STX12: variants seen among roughly 807,000 people sequenced by gnomAD.
The protein encoded by STX12 is syntaxin 12.
Under a neutral mutation model 42.2 loss-of-function variants are expected in STX12, and 17 were observed. The ratio of observed to expected loss-of-function variants is 0.40; its 90% confidence interval spans 0.28 to 0.60. STX12 has a LOEUF of 0.60. STX12 is among the 20% of genes least tolerant of loss of function. STX12 has a pLI of 0.39. For missense variants in STX12, 297 were observed against 330.9 expected (o/e 0.90, Z 0.79); for synonymous variants, 108 against 116.7 (o/e 0.93, Z 0.48).
chr1:27,810,596 T>G lies in STX12; in HGVS notation c.470+307T>G, dbSNP rs1410104174. On this transcript the variant is annotated intron_variant, in intron 5 of 8. Transcript: ENST00000373943. ...ACCTACATGTCTACAGATTAGGAAG[T>G]CTAAGTCATCTTACCTCTAATGCAG... 2.0e-5 allele frequency among the ~76,000 whole-genome samples: 3 copies of G among 152,284 alleles called. No individual in the cohort carries two copies. The East Asian group carries it at 5.8e-4, about 29-fold the overall frequency.
intron 6 of STX12, among the ~76,000 whole-genome samples, chr1:27,813,081 C>G (rs549314361): frequency 8.5e-5 from 13 of 152,234 alleles, no homozygotes; most frequent in African/African-American, 3.1e-4. Context: ...GAAATAGGAA[C>G]AGTTTTTGAG....
At chr1:27,808,387 G>A (rs912177145) in intron 4 of STX12, among the ~76,000 whole-genome samples, 1 of 148,966 alleles carries the variant, frequency 6.7e-6, no homozygotes, top group Non-Finnish European at 1.5e-5. Flanking sequence ...TGTCACTCAG[G>A]CTGTAGTGCA....
chr1:27,815,217 A>C (rs938056977), intron 6 of STX12, among the ~76,000 whole-genome samples: 6 of 152,226 alleles, frequency 3.9e-5, no homozygotes, highest in Admixed American at 2.6e-4. Flanking sequence ...ACGGATACCA[A>C]GGGACGAATG....
At position 27,773,257 on chromosome 1, in the gene STX12, C is replaced by G; in HGVS notation, c.-51C>G. On this transcript the variant is annotated 5_prime_UTR_variant, in exon 1 of 9. Transcript: ENST00000373943. Reference sequence around the variant, plus strand: ...TCAGCCTGCGGGTCCCGGCTGGCGGCTGCTTCCGGTAGGAGAGCGGTGTAG... The same window carrying G: ...TCAGCCTGCGGGTCCCGGCTGGCGGGTGCTTCCGGTAGGAGAGCGGTGTAG... 2 of 1,287,438 alleles carry G rather than the reference C, an allele frequency of 1.6e-6. No individual in the cohort carries two copies. Among genetic ancestry groups the G allele is most frequent in the Non-Finnish European group, 2.2e-6 (2 of 911,566 alleles). The allele number at this position is 1,287,438 out of a possible 1,614,324, so 79.8% of individuals were successfully genotyped here.
rs545632186 is a variant in STX12, at chr1:27,822,350, G to A, written c.*21G>A. 14 of 1,512,134 alleles carry A rather than the reference G, an allele frequency of 9.3e-6. No homozygotes were observed. The highest frequency in any genetic ancestry group is 5.0e-5 in the Admixed American group (3 of 59,864). The allele number at this position is 1,512,134 out of a possible 1,614,324, so 93.7% of individuals were successfully genotyped here. On this transcript the variant is annotated 3_prime_UTR_variant, in exon 9 of 9. Transcript: ENST00000373943. ...AGTGATTGCCTCCGATCGTTCTCCC[G>A]CTGAGCTGTTTTCAAGGGCAAGTGC... is the stretch of plus-strand genomic sequence containing the variant.
At chr1:27,798,719 G>GA (rs983651409) in intron 3 of STX12, among the ~76,000 whole-genome samples, 568 of 43,498 alleles carry the variant, frequency 0.013, 6 homozygotes, top group Middle Eastern at 0.038. Context: ...CTCAAAAAAA[G>GA]AAAAAAAAAA....
At chr1:27,787,754 G>T (rs1557799604) in intron 1 of STX12, among the ~76,000 whole-genome samples, 1 of 152,026 alleles carries the variant, frequency 6.6e-6, no homozygotes, top group Non-Finnish European at 1.5e-5. Context: ...ACTGATCTTG[G>T]TGACCAAATT....
chr1:27,822,400 C>T lies in STX12; in HGVS notation c.*71C>T. 1 of 968,050 alleles carries T rather than the reference C, an allele frequency of 1.0e-6. No homozygotes were observed. Among genetic ancestry groups the T allele is most frequent in the Non-Finnish European group, 1.7e-6 (1 of 591,908 alleles). The allele number at this position is 968,050 out of a possible 1,614,324, so 60.0% of individuals were successfully genotyped here. On this transcript the variant is annotated 3_prime_UTR_variant, in exon 9 of 9. Coordinates refer to ENST00000373943, the MANE Select transcript of STX12 (RefSeq NM_177424.3). ...CTTGTTGAAGTCTTGCCAGAACAAA[C>T]TGATCACAAGAAGACAGCATATATC...
chr1:27,793,769 A>C (rs2088765441), intron 3 of STX12, 137 bp downstream of exon 3: 4 of 623,668 alleles, frequency 6.4e-6, no homozygotes, highest in African/African-American at 1.8e-5. Context: ...TTTCTTATCC[A>C]TCAAGTGGGG....
rs2088994965 is a variant in STX12, at chr1:27,822,937, T to C, written c.*608T>C. On this transcript the variant is annotated 3_prime_UTR_variant, in exon 9 of 9. Coordinates refer to ENST00000373943, the MANE Select transcript of STX12 (RefSeq NM_177424.3). ...GGTCAGTTACTGGAGTACATGTTAC[T>C]AATCTGGGTTTAAAGTTTACTTCAT... 1 of 152,302 alleles carries C rather than the reference T, an allele frequency of 6.6e-6. No homozygotes were observed. Among genetic ancestry groups the C allele is most frequent in the South Asian group, 2.1e-4 (1 of 4,836 alleles). The allele number at this position is 152,302 out of a possible 1,614,324, so 9.4% of individuals were successfully genotyped here. A position where few individuals can be genotyped will look rare whatever the true frequency, so the allele number is the denominator to read the frequency against.
intron 2 of STX12, among the ~76,000 whole-genome samples, chr1:27,792,186 CTA>C (rs1417229682): frequency 2.9e-4 from 27 of 94,654 alleles, no homozygotes; most frequent in African/African-American, 2.5e-3. Context: ...ATATATGTAT[CTA>C]TATATGTATA....
At chr1:27,775,378 C>T (rs1033059590) in intron 1 of STX12, among the ~76,000 whole-genome samples, 22 of 152,144 alleles carry the variant, frequency 1.4e-4, no homozygotes, top group African/African-American at 5.3e-4. Flanking sequence ...CTCAAGCAGT[C>T]CTCCTGCCTC....
At chr1:27,792,317 GATAC>G (rs1395624711) in intron 2 of STX12, among the ~76,000 whole-genome samples, 2 of 92,430 alleles carry the variant, frequency 2.2e-5, no homozygotes, top group Non-Finnish European at 1.7e-5. Flanking sequence ...TATATATGTA[GATAC>G]ATATATATGT....
chr1:27,819,620 T>C (rs774987462), intron 7 of STX12, 30 bp from the exon 8 acceptor site: 13 of 1,605,802 alleles, frequency 8.1e-6, no homozygotes, highest in African/African-American at 2.7e-5. Flanking sequence ...TCTGAGTGTG[T>C]TAAAACATCC....
At chr1:27,786,932 G>C (rs917611740) in intron 1 of STX12, among the ~76,000 whole-genome samples, 1 of 152,304 alleles carries the variant, frequency 6.6e-6, no homozygotes, top group Admixed American at 6.5e-5. Context: ...TAGTGATGAA[G>C]AAAAGTGGTT....
chr1:27,778,507 A>G (rs1479418841), intron 1 of STX12, among the ~76,000 whole-genome samples: 3 of 152,132 alleles, frequency 2.0e-5, no homozygotes, highest in Non-Finnish European at 4.4e-5. Flanking sequence ...CCTGGCCAAC[A>G]TGGCGAAACC....
At chr1:27,818,332 G>A (rs2088957335) in intron 7 of STX12, among the ~76,000 whole-genome samples, 1 of 151,120 alleles carries the variant, frequency 6.6e-6, no homozygotes, top group African/African-American at 2.4e-5. Flanking sequence ...AGTGAGCCGA[G>A]ATTGCGCCAC....
intron 3 of STX12, among the ~76,000 whole-genome samples, chr1:27,798,666 C>T (rs1379943322): frequency 2.4e-4 from 31 of 130,758 alleles, no homozygotes; most frequent in Admixed American, 1.5e-3. Context: ...AAAAAAAAAT[C>T]GCGCCACTGC....
chr1:27,804,462 T>TA (rs1048197774), intron 4 of STX12, among the ~76,000 whole-genome samples: 3,728 of 141,726 alleles, frequency 0.026, 122 homozygotes, highest in African/African-American at 0.088. Flanking sequence ...TCTTGAATCT[T>TA]AAAAAAAAAA....
Sources: gnomAD v4.1 joint callset for allele counts (sites outside exome capture counted in the v4.1 genomes callset) on GRCh38, gnomAD v4.1.1 for gene constraint, MANE v1.5 for transcripts, NCBI Gene and HGNC (gene_info 2026-07-23, HGNC 2026-07-21) for gene names.